Variants in ROBO1 observed in about 807,000 individuals in gnomAD.
ROBO1 encodes the protein roundabout guidance receptor 1, also known as roundabout homolog 1.
In ROBO1, 149 loss-of-function variants were observed where a neutral mutation model predicts 195.9. The ratio of observed to expected loss-of-function variants is 0.76; its 90% CI spans 0.67 to 0.87. The LOEUF (loss-of-function observed/expected upper bound fraction) is 0.87. ROBO1 is among the 40% of genes least tolerant of loss of function. The pLI is 0.00. For missense variants in ROBO1, 1,933 were observed against 2,068.3 expected (o/e 0.93, Z 1.27); for synonymous variants, 816 against 733.2 (o/e 1.11, Z -1.82).
intron 2 of ROBO1, among the ~76,000 whole-genome samples, chr3:79,149,237 T>G (rs956382425): frequency 1.3e-5 from 2 of 151,984 alleles, no homozygotes; most frequent in Non-Finnish European, 2.9e-5. Flanking sequence ...AGTGAGAATC[T>G]AAGCAAACTA....
intron 4 of ROBO1, among the ~76,000 whole-genome samples, chr3:78,812,223 ACT>A (rs1022795088): frequency 6.6e-6 from 1 of 151,786 alleles, no homozygotes; most frequent in East Asian, 1.9e-4. Context: ...TTACTCAGAA[ACT>A]CTCTAAATCT....
intron 3 of ROBO1, among the ~76,000 whole-genome samples, chr3:79,045,634 T>G (rs1200546784): frequency 1.3e-5 from 2 of 152,154 alleles, no homozygotes; most frequent in African/African-American, 2.4e-5. Context: ...TCATAAAATG[T>G]CACTTTTCAG....
intron 22 of ROBO1, among the ~76,000 whole-genome samples, chr3:78,639,149 A>G (rs1486445261): frequency 1.3e-5 from 2 of 151,958 alleles, no homozygotes; most frequent in African/African-American, 4.8e-5. Context: ...CTTGTCAAAA[A>G]AATAAAAAAA....
intron 2 of ROBO1, among the ~76,000 whole-genome samples, chr3:79,486,700 T>C (rs887350493): frequency 6.6e-6 from 1 of 152,136 alleles, no homozygotes; most frequent in Admixed American, 6.6e-5. Context: ...GTTTCAAATA[T>C]GTATTTACCA....
intron 1 of ROBO1, among the ~76,000 whole-genome samples, chr3:79,720,751 A>T (rs1171043669): frequency 6.6e-6 from 1 of 151,172 alleles, no homozygotes; most frequent in Admixed American, 6.6e-5. Context: ...GCCATACAAT[A>T]CTGTGGTTTA....
At chr3:79,413,900 A>G (rs2037886765) in intron 2 of ROBO1, among the ~76,000 whole-genome samples, 1 of 152,078 alleles carries the variant, frequency 6.6e-6, no homozygotes, top group African/African-American at 2.4e-5. Context: ...CAAGGGCATC[A>G]GGGAAGGCTT....
chr3:78,625,016 A>G (rs1704676767), intron 26 of ROBO1, among the ~76,000 whole-genome samples: 1 of 152,232 alleles, frequency 6.6e-6, no homozygotes, highest in East Asian at 1.9e-4. Context: ...AAGGATTGTG[A>G]AAACCTTTAA....
chr3:78,787,104 G>C (rs985997588), intron 4 of ROBO1, among the ~76,000 whole-genome samples: 4 of 152,158 alleles, frequency 2.6e-5, no homozygotes, highest in African/African-American at 4.8e-5. Flanking sequence ...AGTTACGCTA[G>C]TGTAGGACCT....
rs1156337928 is a variant in ROBO1 at position 78,597,353 on chromosome 3, A to AAAAC, written c.*1556_*1559dup. 1 of 152,608 alleles carries AAAAC rather than the reference A, an allele frequency of 6.6e-6. No homozygotes were observed. The highest frequency in any genetic ancestry group is 2.4e-5 in the African/African-American group (1 of 41,458). The allele number at this position is 152,608 out of a possible 1,614,324, so 9.5% of individuals were successfully genotyped here. On this transcript the variant is annotated 3_prime_UTR_variant, in exon 31 of 31. Transcript: ENST00000464233. ...AGGGGCTTCTTACATGAACATAATGAAAACATTAATCACATGGATTGTTCC... is the reference window on the plus strand; with the variant it reads ...AGGGGCTTCTTACATGAACATAATGAAAACAAACATTAATCACATGGATTGTTCC...
intron 2 of ROBO1, among the ~76,000 whole-genome samples, chr3:79,418,391 T>C (rs935313057): frequency 5.9e-5 from 9 of 152,148 alleles, no homozygotes; most frequent in African/African-American, 1.7e-4. Context: ...ATGTGATGTA[T>C]AAAGATATAT....
chr3:79,442,163 T>C (rs1273203081), intron 2 of ROBO1, among the ~76,000 whole-genome samples: 3 of 152,308 alleles, frequency 2.0e-5, no homozygotes, highest in Non-Finnish European at 2.9e-5. Flanking sequence ...GTCCTTAGCT[T>C]TACATTCAAG....
chr3:79,088,579 A>G (rs1464054569), intron 3 of ROBO1, among the ~76,000 whole-genome samples: 1 of 152,162 alleles, frequency 6.6e-6, no homozygotes, highest in Non-Finnish European at 1.5e-5. Context: ...TAAGAAGCAC[A>G]TCTTTAACTC....
At chr3:79,334,315 T>A (rs868312253) in intron 2 of ROBO1, among the ~76,000 whole-genome samples, 109 of 140,940 alleles carry the variant, frequency 7.7e-4, no homozygotes, top group Middle Eastern at 3.6e-3. Context: ...AAAAAAAATA[T>A]ATATATATAT....
chr3:79,447,469 GA>G (rs1273605060), intron 2 of ROBO1, among the ~76,000 whole-genome samples: 3 of 152,000 alleles, frequency 2.0e-5, no homozygotes, highest in African/African-American at 7.2e-5. Context: ...AAGTGGTATC[GA>G]AAAAAGGATT....
chr3:79,553,119 A>T (rs1260700952), intron 2 of ROBO1, among the ~76,000 whole-genome samples: 1 of 152,012 alleles, frequency 6.6e-6, no homozygotes, highest in Non-Finnish European at 1.5e-5. Context: ...CTATTGAGTA[A>T]ATTTCACATT....
At chr3:78,729,006 A>G (rs1298694625) in intron 5 of ROBO1, among the ~76,000 whole-genome samples, 1 of 152,228 alleles carries the variant, frequency 6.6e-6, no homozygotes, top group East Asian at 1.9e-4. Flanking sequence ...AGAAAAAGCA[A>G]TTATCCCAGT....
intron 3 of ROBO1, among the ~76,000 whole-genome samples, chr3:78,971,277 T>C (rs1235856584): frequency 6.6e-6 from 1 of 152,090 alleles, no homozygotes; most frequent in Non-Finnish European, 1.5e-5. Context: ...TAGTCCCAGT[T>C]ACTCGGGAGG....
rs1012778181 is a variant in ROBO1 at position 79,419,358 on chromosome 3, C to T, written c.88+170466G>A. On this transcript the variant is annotated intron_variant, in intron 2 of 30. Coordinates refer to ENST00000464233, the MANE Select transcript of ROBO1 (RefSeq NM_002941.4). ...TCCAGCTGGAATATCACAAGTGTCC[C>T]TCCCTTGAGTATGACATAGTCCAGC... Among the ~76,000 whole-genome samples, 7 of 152,192 alleles carry T rather than the reference C, an allele frequency of 4.6e-5. No homozygotes were observed. The East Asian group carries it at 1.4e-3, about 29-fold the overall frequency.
intron 2 of ROBO1, among the ~76,000 whole-genome samples, chr3:79,151,540 A>G (rs2080770963): frequency 6.6e-6 from 1 of 151,718 alleles, no homozygotes; most frequent in Non-Finnish European, 1.5e-5. Context: ...TTTCTCTATA[A>G]TCTGTCCTTC....
Sources: allele counts gnomAD v4.1 joint callset (sites outside exome capture counted in the v4.1 genomes callset), GRCh38; gene constraint gnomAD v4.1.1; transcripts MANE v1.5; gene names NCBI Gene and HGNC (gene_info 2026-07-23, HGNC 2026-07-21).